The following TP63 variants were observed in gnomAD, a reference collection of about 807,000 sequenced individuals.
The protein encoded by TP63 is tumor protein 63.
Under a neutral mutation model 82.8 loss-of-function variants are expected in TP63, and 17 were observed. The observed-to-expected ratio is 0.21, with a 90% CI of 0.14 to 0.31. The LOEUF is 0.31. Among genes scored for constraint, TP63 ranks in the 10% least tolerant of loss-of-function variants. The pLI, the probability that TP63 is intolerant of heterozygous loss-of-function variation, is 1.00. For synonymous variants in TP63, 330 were observed against 321.7 expected (o/e 1.03, Z -0.28); for missense variants, 648 against 895.3 (o/e 0.72, Z 3.52).
chr3:189,721,620 GT>G (rs1719400190), intron 1 of TP63, among the ~76,000 whole-genome samples: 1 of 152,144 alleles, frequency 6.6e-6, no homozygotes, highest in South Asian at 2.1e-4. Context: ...CTAGAACTTT[GT>G]TTCATAAAGG....
intron 10 of TP63, chr3:189,879,945 C>T (rs1577181919): frequency 1.5e-6 from 2 of 1,333,790 alleles, no homozygotes; most frequent in East Asian, 2.6e-5. Context: ...TTTTCAGGCA[C>T]TCTATTCTGT....
At chr3:189,601,733 A>G in the TP63 span, among the ~76,000 whole-genome samples, 10 of 152,150 alleles carry the variant, frequency 6.6e-5, no homozygotes, top group Admixed American at 6.6e-4. Context: ...GAGCATATAG[A>G]TCCATTTCCC....
At chr3:189,887,918 G>T (rs578141579) in intron 11 of TP63, among the ~76,000 whole-genome samples, 1 of 149,744 alleles carries the variant, frequency 6.7e-6, no homozygotes, top group Non-Finnish European at 1.5e-5. Context: ...GTGCAATGGC[G>T]CAATCTCGGC....
At chr3:189,701,112 T>C (rs1208772757) in intron 1 of TP63, among the ~76,000 whole-genome samples, 2 of 152,266 alleles carry the variant, frequency 1.3e-5, no homozygotes, top group South Asian at 2.1e-4. Context: ...ACTTCCAACA[T>C]GATTGTGATG....
At chr3:189,742,244 A>C (rs982490713) in intron 3 of TP63, among the ~76,000 whole-genome samples, 7 of 20,322 alleles carry the variant, frequency 3.4e-4, no homozygotes, top group Non-Finnish European at 5.1e-4. Context: ...ACTCCATCCC[A>C]AAAAAAAAAA....
At chr3:189,772,667 T>G (rs1576921245) in intron 3 of TP63, among the ~76,000 whole-genome samples, 1 of 152,314 alleles carries the variant, frequency 6.6e-6, no homozygotes, top group East Asian at 1.9e-4. Flanking sequence ...TGTCTCATTT[T>G]CAAGAAATGT....
At chr3:189,859,364 A>G (rs940719712) in intron 4 of TP63, among the ~76,000 whole-genome samples, 6 of 152,206 alleles carry the variant, frequency 3.9e-5, no homozygotes, top group African/African-American at 1.4e-4. Context: ...ATTTGAACAG[A>G]TGCTTCAAAA....
intron 10 of TP63, among the ~76,000 whole-genome samples, chr3:189,879,741 A>T (rs1023033236): frequency 6.6e-6 from 1 of 152,182 alleles, no homozygotes; most frequent in South Asian, 2.1e-4. Flanking sequence ...TGTGTAACTT[A>T]TTAAAAATAT....
intron 4 of TP63, among the ~76,000 whole-genome samples, chr3:189,841,253 A>G (rs986393761): frequency 1.3e-5 from 2 of 152,308 alleles, no homozygotes; most frequent in Non-Finnish European, 1.5e-5. Flanking sequence ...AGTTTACTTA[A>G]GTCTCTGATT....
chr3:189,886,700 A>C, intron 11 of TP63, 149 bp downstream of exon 11: 3 of 1,125,896 alleles, frequency 2.7e-6, no homozygotes, highest in Non-Finnish European at 2.5e-6. Context: ...TTTCTGACTG[A>C]ACCTTTCACT....
intron 1 of TP63, among the ~76,000 whole-genome samples, chr3:189,698,273 T>C (rs755480320): frequency 1.2e-4 from 18 of 152,264 alleles, no homozygotes; most frequent in Admixed American, 5.9e-4. Flanking sequence ...ATTTTTTTTC[T>C]CCATCAATTA....
Position 189,725,405 on chromosome 3 carries a change from A to G in TP63, c.63-12335A>G, listed in dbSNP as rs556947894. 6.6e-5 allele frequency among the ~76,000 whole-genome samples: 10 copies of G among 152,340 alleles called. No homozygotes were observed. In the South Asian group the frequency reaches 2.1e-3, roughly 32 times the overall value. On this transcript the variant is annotated intron_variant, in intron 1 of 13. Transcript: ENST00000264731. The stretch of plus-strand genomic sequence containing the variant: ...AATATAAATATGTAAAAATTAATAT[A>G]TAAAAGGAAATTGTTCCTGAATGGC...
chr3:189,624,499 T>C, the TP63 span, among the ~76,000 whole-genome samples: 1 of 152,180 alleles, frequency 6.6e-6, no homozygotes, highest in African/African-American at 2.4e-5. Context: ...GAACAGAATC[T>C]TTAATATAAT....
At chr3:189,771,665 G>A (rs1379017174) in intron 3 of TP63, among the ~76,000 whole-genome samples, 1 of 151,506 alleles carries the variant, frequency 6.6e-6, no homozygotes, top group African/African-American at 2.4e-5. Context: ...GGCACACGTG[G>A]CAGTATAAGT....
intron 4 of TP63, among the ~76,000 whole-genome samples, chr3:189,828,249 CAAAA>C (rs556370643): frequency 1.2e-5 from 1 of 84,584 alleles, no homozygotes; most frequent in African/African-American, 4.4e-5. Context: ...TCAAAACAAG[CAAAA>C]AAAAAAAAAA....
intron 11 of TP63, among the ~76,000 whole-genome samples, chr3:189,888,883 G>A (rs1720730756): frequency 6.6e-6 from 1 of 152,128 alleles, no homozygotes; most frequent in Non-Finnish European, 1.5e-5. Flanking sequence ...TCACAGATTT[G>A]TGCATTTATC....
chr3:189,599,035 G>A, the TP63 span, among the ~76,000 whole-genome samples: 1 of 152,196 alleles, frequency 6.6e-6, no homozygotes, highest in Non-Finnish European at 1.5e-5. Flanking sequence ...TTTGGATAAT[G>A]TCCAAGCTCA....
intron 1 of TP63, among the ~76,000 whole-genome samples, chr3:189,692,308 A>G (rs911115889): frequency 6.7e-6 from 1 of 150,248 alleles, no homozygotes; most frequent in African/African-American, 2.4e-5. Flanking sequence ...TTTTTCTTTT[A>G]TTTTCTCCTC....
intron 1 of TP63, among the ~76,000 whole-genome samples, chr3:189,721,745 A>T (rs771515679): frequency 5.9e-5 from 9 of 152,162 alleles, no homozygotes; most frequent in Non-Finnish European, 8.8e-5. Context: ...TATCCTCGCC[A>T]CTTGAGACTC....
Sources: allele counts gnomAD v4.1 joint callset (sites outside exome capture counted in the v4.1 genomes callset), GRCh38; gene constraint gnomAD v4.1.1; transcripts MANE v1.5; gene names NCBI Gene and HGNC (gene_info 2026-07-23, HGNC 2026-07-21).